The following LOXL4 variants were observed in gnomAD, a reference collection of about 807,000 sequenced individuals.
The protein encoded by LOXL4 is lysyl oxidase like 4, also known as lysyl oxidase homolog 4.
LOXL4 carries 72 observed loss-of-function variants against 89.1 expected under a neutral mutation model. The observed-to-expected ratio is 0.81, with a 90% CI of 0.67 to 0.98. The LOEUF (loss-of-function observed/expected upper bound fraction) is 0.98, where lower values mean the gene tolerates loss of function less well. Among genes scored for constraint, LOXL4 ranks in the 50% least tolerant of loss-of-function variants. The pLI is 0.00. For synonymous variants in LOXL4, 355 were observed against 392.1 expected (o/e 0.91, Z 1.12); for missense variants, 984 against 1,017.5 (o/e 0.97, Z 0.45).
intron 6 of LOXL4, among the ~76,000 whole-genome samples, chr10:98,258,673 A>G (rs1283807541): frequency 6.6e-6 from 1 of 152,120 alleles, no homozygotes; most frequent in East Asian, 1.9e-4. Context: ...ACCACCTCAT[A>G]AGCACTTGCT....
chr10:98,258,890 C>T, intron 6 of LOXL4, 119 bp downstream of exon 6: 2 of 698,754 alleles, frequency 2.9e-6, no homozygotes, highest in Non-Finnish European at 4.8e-6. Context: ...GATTCACTCT[C>T]CTCCTCCCAG....
Position 98,251,097 on chromosome 10 carries a change from C to T in LOXL4, c.2168G>A (p.Gly723Glu), listed in dbSNP as rs1858177758. Residue 723 changes from glycine (G) to glutamate (E), a missense_variant, in exon 14 of 15, where the codon GGG becomes GAG. Transcript: ENST00000260702. ...NMLQCRCKYD[G>E]HRVWLHNCHT... ...GCAGTTGTGCAGCCAGACCCGGTGCCCATCATACTTGCAGCGGCACTGCAG... is the reference window on the plus strand; with the variant it reads ...GCAGTTGTGCAGCCAGACCCGGTGCTCATCATACTTGCAGCGGCACTGCAG... 12 of 1,614,048 alleles carry T rather than the reference C, an allele frequency of 7.4e-6. No individual in the cohort carries two copies. Among genetic ancestry groups the T allele is most frequent in the Non-Finnish European group, 1.0e-5 (12 of 1,179,978 alleles).
In LOXL4 at chr10:98,262,930, A is replaced by G. The variant is rs766662490; in HGVS notation, c.90T>C (p.Thr30=). 26 of 1,613,686 alleles carry G rather than the reference A, an allele frequency of 1.6e-5. No homozygotes were observed. The South Asian group carries it at 2.7e-4, about 17-fold the overall frequency. Reference sequence around the variant, plus strand: ...TCTCTGGGCCCACCAGCCGGAGCTTAGTGGTGCCCAGTGACTGTGGCCTGC... The same window carrying G: ...TCTCTGGGCCCACCAGCCGGAGCTTGGTGGTGCCCAGTGACTGTGGCCTGC... ...PPSRPQSLGT[T]KLRLVGPESK... Residue 30 remains threonine (T), a synonymous_variant, in exon 2 of 15, where the codon ACT becomes ACC. Coordinates refer to ENST00000260702, the MANE Select transcript of LOXL4 (RefSeq NM_032211.7).
intron 11 of LOXL4, among the ~76,000 whole-genome samples, chr10:98,253,258 A>G (rs1194431017): frequency 6.6e-6 from 1 of 152,236 alleles, no homozygotes; most frequent in East Asian, 1.9e-4. Flanking sequence ...ATGATCCAAC[A>G]TAGGAAAAGT....
In LOXL4 at chr10:98,248,936, C is replaced by G; in HGVS notation, c.2256G>C (p.Arg752Ser). 1 of 1,613,736 alleles carries G rather than the reference C, an allele frequency of 6.2e-7. No homozygotes were observed. The highest frequency in any genetic ancestry group is 8.5e-7 in the Non-Finnish European group (1 of 1,179,892). The stretch of plus-strand genomic sequence containing the variant: ...AGTGACAGCTTCAGATGAGGTTGTT[C>G]CTGAGACGCTGTTCCTGCTCCAGGG... The part of the protein sequence containing the change: ...ELSLEQEQRL[R>S]NNLI Residue 752 changes from arginine to serine, a missense_variant, in exon 15 of 15, where the codon AGG becomes AGC. Coordinates refer to ENST00000260702, the MANE Select transcript of LOXL4 (RefSeq NM_032211.7).
rs1249735655 is a variant in LOXL4 at position 98,255,731 on chromosome 10, C to A, written c.1437G>T (p.Trp479Cys). The change falls in exon 10 of 15, where the codon TGG becomes TGT. Residue 479 changes from tryptophan to cysteine, a missense_variant. Trp to Cys is a radical substitution (Grantham distance 215). Transcript: ENST00000260702. ...GGGCCCTTGGCGTCCCCGACCAGAACCAGGTTTCCTAAGAAGACAGCCAGC... is the reference window on the plus strand; with the variant it reads ...GGGCCCTTGGCGTCCCCGACCAGAAACAGGTTTCCTAAGAAGACAGCCAGC... ...GFAIHAYKET[W>C]FWSGTPRAQE... The A allele has an allele frequency of 6.2e-7, 1 of 1,609,874 alleles. No homozygotes were observed. The highest frequency in any genetic ancestry group is 1.6e-4 in the Middle Eastern group (1 of 6,068).
chr10:98,258,211 G>C, intron 6 of LOXL4, 47 bp from the exon 7 acceptor site: 1 of 1,556,028 alleles, frequency 6.4e-7, no homozygotes, highest in Non-Finnish European at 8.7e-7. Flanking sequence ...GGAGGCACCA[G>C]CAGGGGCTGA....
chr10:98,261,974 G>T, intron 3 of LOXL4, 61 bp downstream of exon 3: 1 of 1,497,042 alleles, frequency 6.7e-7, no homozygotes. Context: ...CGTCTTCTGG[G>T]AGGCTCTCTG....
In LOXL4 at chr10:98,260,937, TCGACAGGC is replaced by T; in HGVS notation, c.639_646del (p.Pro214GlnfsTer16). On this transcript the variant is annotated frameshift_variant, in exon 4 of 15. Coordinates refer to ENST00000260702, the MANE Select transcript of LOXL4 (RefSeq NM_032211.7). LOFTEE classifies it high-confidence loss of function. ...GCCCTCCTACCTGTAGTAGTGGCTG[TCGACAGGC>T]ACCTCGCTGGGGAAGCCCAGCATCC... 6 of 1,610,606 alleles carry T rather than the reference TCGACAGGC, an allele frequency of 3.7e-6. No homozygotes were observed. The highest frequency in any genetic ancestry group is 4.2e-6 in the Non-Finnish European group (5 of 1,179,032).
chr10:98,251,756 T>G, intron 12 of LOXL4, 54 bp from the exon 13 acceptor site: 1 of 1,597,020 alleles, frequency 6.3e-7, no homozygotes, highest in Non-Finnish European at 8.5e-7. Flanking sequence ...CTCTGCTAGG[T>G]CTTTTATTTC....
chr10:98,254,460 G>A (rs950960991), intron 10 of LOXL4, among the ~76,000 whole-genome samples: 25 of 152,360 alleles, frequency 1.6e-4, no homozygotes, highest in African/African-American at 5.8e-4. Flanking sequence ...AGTTGGCCAT[G>A]TAGGGTCCTG....
At chr10:98,258,887 T>C in intron 6 of LOXL4, 122 bp downstream of exon 6, 1 of 686,646 alleles carries the variant, frequency 1.5e-6, no homozygotes, top group Non-Finnish European at 2.5e-6. Flanking sequence ...TGTGATTCAC[T>C]CTCCTCCTCC....
chr10:98,266,602 G>C (rs180950426), intron 1 of LOXL4, among the ~76,000 whole-genome samples: 131 of 152,254 alleles, frequency 8.6e-4, no homozygotes, highest in African/African-American at 3.0e-3. Context: ...GGAAGGTGGG[G>C]GGACGGCAGC....
intron 6 of LOXL4, 64 bp downstream of exon 6, chr10:98,258,945 C>T: frequency 1.5e-6 from 2 of 1,358,272 alleles, no homozygotes; most frequent in Non-Finnish European, 2.0e-6. Flanking sequence ...CCGCACCCCC[C>T]ACCAGGCAGT....
chr10:98,255,564 CT>C lies in LOXL4; in HGVS notation c.1591+12del. ...CTACCTGTCCCCAGCCCTGTGAGCC[CT>C]CCGTCACTCACTGTCCATGCAGGAG... On this transcript the variant is annotated intron_variant, in intron 10 of 14. Transcript: ENST00000260702. 6.3e-7 allele frequency: 1 copy of C among 1,592,574 alleles called. No homozygotes were observed. The highest frequency in any genetic ancestry group is 8.6e-7 in the Non-Finnish European group (1 of 1,162,560).
intron 13 of LOXL4, 79 bp downstream of exon 13, chr10:98,251,486 TC>T: frequency 3.8e-6 from 6 of 1,566,820 alleles, no homozygotes; most frequent in Non-Finnish European, 5.2e-6. Context: ...GGGAAATTCT[TC>T]CCTTCATTTG....
At position 98,255,672 on chromosome 10, in the gene LOXL4, CCT is replaced by C. The variant is rs769509109; in HGVS notation, c.1494_1495del (p.Gly499HisfsTer96). On this transcript the variant is annotated frameshift_variant, in exon 10 of 15. Coordinates refer to ENST00000260702, the MANE Select transcript of LOXL4 (RefSeq NM_032211.7). LOFTEE classifies it high-confidence loss of function. Reference sequence around the variant, plus strand: ...GCACTGCTGCAGGGCCAGCTCTGTGCCTGAGCAGCGCACCCCACTCATCACCA... The same window carrying C: ...GCACTGCTGCAGGGCCAGCTCTGTGCGAGCAGCGCACCCCACTCATCACCA... 3.7e-6 allele frequency: 6 copies of C among 1,613,834 alleles called. No individual in the cohort carries two copies. The Admixed American group carries it at 1.0e-4, about 27-fold the overall frequency.
rs752347058 is a variant in LOXL4, at chr10:98,261,120, C to A, written c.464G>T (p.Arg155Leu). 2 of 1,611,788 alleles carry A rather than the reference C, an allele frequency of 1.2e-6. No individual in the cohort carries two copies. The highest frequency in any genetic ancestry group is 2.2e-5 in the East Asian group (1 of 44,882). Residue 155 changes from arginine (R) to leucine (L), a missense_variant, in exon 4 of 15, where the codon CGG becomes CTG. Arg to Leu is a moderately radical substitution (Grantham distance 102, BLOSUM62 -2). Transcript: ENST00000260702. Reference sequence around the variant, plus strand: ...GGGCTTGAGCCGCACCTCCTCCAGCCGCCGGCCCTGCGGGGTGCACAGTCA... The same window carrying A: ...GGGCTTGAGCCGCACCTCCTCCAGCAGCCGGCCCTGCGGGGTGCACAGTCA... The part of the protein sequence containing the change: ...VSNALGPQGR[R>L]LEEVRLKPIL...
In LOXL4 at chr10:98,255,755, G is replaced by C. The variant is rs773197654; in HGVS notation, c.1429-16C>G. ...ACCAGGTTTCCTAAGAAGACAGCCA[G>C]CGTCACCCAGTCAGCGTGCCTTTGG... On this transcript the variant is annotated splice_polypyrimidine_tract_variant and intron_variant, in intron 9 of 14. Transcript: ENST00000260702. The C allele has an allele frequency of 3.1e-5, 49 of 1,601,854 alleles. No individual in the cohort carries two copies. Among genetic ancestry groups the C allele is most frequent in the Non-Finnish European group, 4.1e-5 (48 of 1,170,134 alleles).
Sources: allele counts gnomAD v4.1 joint callset (sites outside exome capture counted in the v4.1 genomes callset), GRCh38; gene constraint gnomAD v4.1.1; transcripts MANE v1.5; gene names NCBI Gene and HGNC (gene_info 2026-07-23, HGNC 2026-07-21).